Variants in SNAP91 observed in about 807,000 individuals in gnomAD.
The protein encoded by SNAP91 is clathrin coat assembly protein AP180.
SNAP91 carries 27 observed loss-of-function variants against 100.3 expected under a neutral mutation model. That is an observed-to-expected ratio of 0.27 (90% confidence interval 0.20 to 0.37). SNAP91 has a LOEUF of 0.37. Among genes scored for constraint, SNAP91 ranks in the 10% least tolerant of loss-of-function variants. SNAP91 has a pLI of 1.00. For synonymous variants in SNAP91, 404 were observed against 398.6 expected (o/e 1.01, Z -0.16); for missense variants, 986 against 1,123.7 (o/e 0.88, Z 1.75).
chr6:83,585,352 A>G (rs1317919719), intron 22 of SNAP91, among the ~76,000 whole-genome samples: 1 of 151,958 alleles, frequency 6.6e-6, no homozygotes, highest in Middle Eastern at 3.2e-3. Context: ...TTATATATCT[A>G]TCTATATATA....
At chr6:83,681,543 A>C (rs2098989627) in intron 2 of SNAP91, among the ~76,000 whole-genome samples, 1 of 152,202 alleles carries the variant, frequency 6.6e-6, no homozygotes, top group Non-Finnish European at 1.5e-5. Context: ...TATAGTTTAC[A>C]ACATGACAAA....
At chr6:83,593,826 T>C in intron 17 of SNAP91, 85 bp from the exon 18 acceptor site, 1 of 1,493,392 alleles carries the variant, frequency 6.7e-7, no homozygotes, top group South Asian at 1.4e-5. Context: ...AAGAGACACC[T>C]TATACAGATA....
intron 5 of SNAP91, 150 bp from the exon 6 acceptor site, chr6:83,659,242 TC>T: frequency 1.6e-6 from 1 of 626,476 alleles, no homozygotes; most frequent in Non-Finnish European, 2.7e-6. Flanking sequence ...TGTAGTCATT[TC>T]CCCCCTCTAT....
At chr6:83,666,246 A>T (rs903245012) in intron 2 of SNAP91, among the ~76,000 whole-genome samples, 10 of 152,068 alleles carry the variant, frequency 6.6e-5, no homozygotes, top group Non-Finnish European at 1.3e-4. Context: ...TGTATTTTTT[A>T]AAAAAATTAT....
chr6:83,594,115 T>C (rs190200478), intron 17 of SNAP91, among the ~76,000 whole-genome samples: 144 of 152,230 alleles, frequency 9.5e-4, no homozygotes, highest in African/African-American at 3.3e-3. Context: ...AAGAGTACAA[T>C]ATAGCATTAG....
chr6:83,612,911 A>T (rs1469003883), intron 11 of SNAP91, among the ~76,000 whole-genome samples: 2 of 151,150 alleles, frequency 1.3e-5, no homozygotes, highest in African/African-American at 2.4e-5. Flanking sequence ...AAAAAAAAAA[A>T]ATATCAACAG....
chr6:83,706,115 A>T (rs764740253), intron 2 of SNAP91, among the ~76,000 whole-genome samples: 2 of 152,354 alleles, frequency 1.3e-5, no homozygotes, highest in East Asian at 1.9e-4. Flanking sequence ...TGGAGAAGTC[A>T]GCCTTTATCT....
At chr6:83,581,478 A>G (rs1035250653) in intron 23 of SNAP91, among the ~76,000 whole-genome samples, 4 of 152,240 alleles carry the variant, frequency 2.6e-5, no homozygotes, top group Non-Finnish European at 4.4e-5. Context: ...TTTGCATAAG[A>G]TGTTGCTAAT....
At chr6:83,613,071 T>C (rs530262162) in intron 11 of SNAP91, among the ~76,000 whole-genome samples, 35 of 152,154 alleles carry the variant, frequency 2.3e-4, no homozygotes, top group African/African-American at 7.7e-4. Flanking sequence ...GTATGAAAAA[T>C]CATAATTGGT....
intron 24 of SNAP91, among the ~76,000 whole-genome samples, chr6:83,577,485 GA>G (rs536012195): frequency 3.5e-4 from 54 of 152,266 alleles, no homozygotes; most frequent in Non-Finnish European, 6.8e-4. Context: ...AAAGAAAGCA[GA>G]AGTGTACCTT....
chr6:83,678,715 T>C lies in SNAP91; in HGVS notation c.131-13134A>G, dbSNP rs549289750. 34 of 1,277,026 alleles carry C rather than the reference T, an allele frequency of 2.7e-5. No individual in the cohort carries two copies. The African/African-American group carries it at 3.8e-4, about 14-fold the overall frequency. 79.1% of individuals were successfully genotyped at this position (1,277,026 alleles called of 1,614,324 possible). A position where few individuals can be genotyped will look rare whatever the true frequency, so the allele number is the denominator to read the frequency against. ...ACCTTCCACTCCTGCTCCTCCCCTA[T>C]TGAGAATCCTTGGCACCATCTCCCA... is the stretch of plus-strand genomic sequence containing the variant. On this transcript the variant is annotated intron_variant, in intron 2 of 29. Transcript: ENST00000369694.
intron 26 of SNAP91, 127 bp downstream of exon 26, chr6:83,574,883 C>A: frequency 1.7e-6 from 1 of 596,430 alleles, no homozygotes. Context: ...GTGCTACTTG[C>A]TTATATTTCT....
rs143026557 is a variant in SNAP91 at position 83,701,507 on chromosome 6, C to T, written c.130+6291G>A. Among the ~76,000 whole-genome samples, 892 of 151,414 alleles carry T rather than the reference C, an allele frequency of 5.9e-3. 5 individuals are homozygous for T. The highest frequency in any genetic ancestry group is 9.5e-3 in the Non-Finnish European group (642 of 67,896). The stretch of plus-strand genomic sequence containing the variant: ...GTCCCCCAAGGCTGGAGTACAATGG[C>T]GCGATCTCGGCTCACTGCAACCTCC... On this transcript the variant is annotated intron_variant, in intron 2 of 29. Coordinates refer to ENST00000369694, the MANE Select transcript of SNAP91 (RefSeq NM_001242792.2).
chr6:83,625,554 G>A (rs749520183), intron 8 of SNAP91, among the ~76,000 whole-genome samples: 14 of 151,968 alleles, frequency 9.2e-5, no homozygotes, highest in Non-Finnish European at 1.6e-4. Context: ...GTTGTTTTTC[G>A]GCCTTTTAAT....
chr6:83,623,487 T>C, intron 8 of SNAP91, 145 bp from the exon 9 acceptor site: 2 of 628,930 alleles, frequency 3.2e-6, no homozygotes, highest in Non-Finnish European at 5.6e-6. Flanking sequence ...TTGGAACATA[T>C]GCTTTTTATG....
intron 2 of SNAP91, among the ~76,000 whole-genome samples, chr6:83,697,076 C>T (rs1437536223): frequency 6.6e-6 from 1 of 151,910 alleles, no homozygotes; most frequent in Non-Finnish European, 1.5e-5. Flanking sequence ...TAATCTTGCC[C>T]CCTTTCCTTA....
intron 2 of SNAP91, among the ~76,000 whole-genome samples, chr6:83,696,862 G>A (rs1326075107): frequency 6.6e-6 from 1 of 152,036 alleles, no homozygotes; most frequent in Non-Finnish European, 1.5e-5. Context: ...TGGTATCCCT[G>A]TTTCCTGGAA....
In SNAP91 at chr6:83,665,535, C is replaced by T; in HGVS notation, c.177G>A (p.Met59Ile). Residue 59 changes from methionine (M) to isoleucine (I), a missense_variant, in exon 3 of 30, where the codon ATG becomes ATA. Physicochemically the swap from Met to Ile is conservative, Grantham distance 10. Around this residue, in one of 4 missense-constraint regions of SNAP91, gnomAD observed 330 missense variants for 447.5 expected, o/e 0.74. Coordinates refer to ENST00000369694, the MANE Select transcript of SNAP91 (RefSeq NM_001242792.2). Reference protein sequence around the residue: ...TNETNVNIPQMADTLFERATN... With the variant: ...TNETNVNIPQIADTLFERATN... The stretch of plus-strand genomic sequence containing the variant: ...TTGCCCGCTCAAAGAGAGTGTCGGC[C>T]ATCTGAGGAATATTAACATTGGTCT... 6.2e-6 allele frequency: 10 copies of T among 1,612,714 alleles called. No individual in the cohort carries two copies. The highest frequency in any genetic ancestry group is 8.5e-6 in the Non-Finnish European group (10 of 1,179,198).
intron 10 of SNAP91, among the ~76,000 whole-genome samples, chr6:83,616,226 G>A (rs549735501): frequency 1.3e-5 from 2 of 152,126 alleles, no homozygotes; most frequent in Non-Finnish European, 2.9e-5. Flanking sequence ...AGCAGGACAA[G>A]GAGGATGGGC....
Sources: gnomAD v4.1 joint callset for allele counts (sites outside exome capture counted in the v4.1 genomes callset) on GRCh38, gnomAD v4.1.1 for gene constraint, gnomAD v4.1.1 regional missense constraint, MANE v1.5 for transcripts, NCBI Gene and HGNC (gene_info 2026-07-23, HGNC 2026-07-21) for gene names.